PLCE1: variants seen among roughly 807,000 people sequenced by gnomAD.
The protein encoded by PLCE1 is phospholipase C epsilon 1.
In PLCE1, 119 loss-of-function variants were observed where a neutral mutation model predicts 242.8. The ratio of observed to expected loss-of-function variants is 0.49; its 90% CI spans 0.42 to 0.57. PLCE1 has a LOEUF of 0.57. Among genes scored for constraint, PLCE1 ranks in the 20% least tolerant of loss-of-function variants. PLCE1 has a pLI of 0.00. For synonymous variants in PLCE1, 945 were observed against 1,017.4 expected, an observed-to-expected ratio of 0.93 and a Z score of 1.35; for missense variants, 2,441 against 2,788.8, an observed-to-expected ratio of 0.88 and a Z score of 2.81.
chr10:94,303,314 C>T (rs1170391721), intron 24 of PLCE1, among the ~76,000 whole-genome samples: 1 of 152,172 alleles, frequency 6.6e-6, no homozygotes, highest in Non-Finnish European at 1.5e-5. Flanking sequence ...CAACTTTTTG[C>T]TCATTTGGGT....
In PLCE1 at chr10:94,046,578, A is replaced by G. The variant is rs558564921; in HGVS notation, c.1206+14326A>G. Among the ~76,000 whole-genome samples, 10 of 152,340 alleles carry G rather than the reference A, an allele frequency of 6.6e-5. No homozygotes were observed. The East Asian group carries it at 1.5e-3, about 23-fold the overall frequency. ...AGTTTCAGAGCCAGGCCTGGAGCCC[A>G]GGTTGCTCTCAGATCAACTTTCCTG... On this transcript the variant is annotated intron_variant, in intron 2 of 32. Coordinates refer to ENST00000371380, the MANE Select transcript of PLCE1 (RefSeq NM_016341.4).
At chr10:94,203,380 A>G (rs1472639389) in intron 4 of PLCE1, among the ~76,000 whole-genome samples, 4 of 152,234 alleles carry the variant, frequency 2.6e-5, no homozygotes, top group East Asian at 3.8e-4. Context: ...GGAAGCATAA[A>G]GGTCCAAACA....
chr10:94,061,958 T>A (rs904455506), intron 2 of PLCE1, among the ~76,000 whole-genome samples: 4 of 152,390 alleles, frequency 2.6e-5, no homozygotes, highest in African/African-American at 9.6e-5. Context: ...CTCTTCCAAC[T>A]ACATGCCGTT....
chr10:94,090,686 G>C (rs1037208638), intron 2 of PLCE1, among the ~76,000 whole-genome samples: 16 of 152,300 alleles, frequency 1.1e-4, no homozygotes, highest in African/African-American at 3.1e-4. Flanking sequence ...TTGGTTGAGT[G>C]GGACGAGGTC....
intron 4 of PLCE1, among the ~76,000 whole-genome samples, chr10:94,214,729 A>C (rs1051912524): frequency 6.6e-6 from 1 of 151,890 alleles, no homozygotes. Context: ...TTTGCATTTC[A>C]CCGCAAGTGA....
intron 4 of PLCE1, among the ~76,000 whole-genome samples, chr10:94,192,291 A>G (rs2048692612): frequency 6.6e-6 from 1 of 152,180 alleles, no homozygotes; most frequent in Non-Finnish European, 1.5e-5. Flanking sequence ...CCTGTCACCC[A>G]GGTAGTGAGC....
intron 18 of PLCE1, among the ~76,000 whole-genome samples, chr10:94,270,874 T>A (rs558100468): frequency 6.6e-6 from 1 of 152,300 alleles, no homozygotes; most frequent in Non-Finnish European, 1.5e-5. Context: ...TTCGCCATGA[T>A]GGCCAGGCTG....
intron 16 of PLCE1, among the ~76,000 whole-genome samples, chr10:94,266,839 G>A (rs969960321): frequency 6.6e-6 from 1 of 152,132 alleles, no homozygotes; most frequent in African/African-American, 2.4e-5. Flanking sequence ...CTTGCTTAGC[G>A]GGAATATGTA....
chr10:94,251,872 C>T (rs746938898), intron 8 of PLCE1, among the ~76,000 whole-genome samples: 5 of 152,158 alleles, frequency 3.3e-5, no homozygotes, highest in Non-Finnish European at 7.3e-5. Flanking sequence ...GTCCGACTGT[C>T]CCAAGCATCA....
chr10:94,311,293 C>T (rs1478980348), intron 27 of PLCE1, among the ~76,000 whole-genome samples: 2 of 152,226 alleles, frequency 1.3e-5, no homozygotes, highest in African/African-American at 4.8e-5. Flanking sequence ...GGTCTGGCAG[C>T]AGGGCTGAAG....
chr10:94,201,427 A>G (rs964036266), intron 4 of PLCE1, among the ~76,000 whole-genome samples: 1 of 152,210 alleles, frequency 6.6e-6, no homozygotes, highest in Non-Finnish European at 1.5e-5. Context: ...AGGTTGCAGC[A>G]TTTGCCCCAC....
At chr10:94,163,333 G>A (rs1250504051) in intron 3 of PLCE1, among the ~76,000 whole-genome samples, 1 of 152,056 alleles carries the variant, frequency 6.6e-6, no homozygotes, top group Non-Finnish European at 1.5e-5. Context: ...TATGAATCTG[G>A]GTGCTCCTGT....
At chr10:94,073,440 T>C (rs1296983773) in intron 2 of PLCE1, among the ~76,000 whole-genome samples, 1 of 152,164 alleles carries the variant, frequency 6.6e-6, no homozygotes, top group East Asian at 1.9e-4. Context: ...GAGTTAGACC[T>C]AGAGGGGTCT....
chr10:94,298,539 G>C lies in PLCE1; in HGVS notation c.5328G>C (p.Leu1776=). The C allele has an allele frequency of 1.2e-6, 2 of 1,614,004 alleles. No homozygotes were observed. Among genetic ancestry groups the C allele is most frequent in the Non-Finnish European group, 1.7e-6 (2 of 1,179,992 alleles). ...TGTGTCGCAGGTATTCTCAGAAACT[G>C]ACCCAGCACACCGCCTGTCAGCTGC... ...KRLCRRYSQK[L]TQHTACQLLR... is the part of the protein sequence containing the mutation. Residue 1776 remains leucine (L), a synonymous_variant, in exon 24 of 33, where the codon CTG becomes CTC. Transcript: ENST00000371380. This position sits in a 1 kb window ranked among gnomAD's most constrained non-coding sequence, Gnocchi z 5.2.
Position 94,273,818 on chromosome 10 carries a change from A to G in PLCE1, c.4665+98A>G, listed in dbSNP as rs1489979604. 3.3e-5 allele frequency: 37 copies of G among 1,120,826 alleles called. No homozygotes were observed. The Admixed American group carries it at 6.0e-4, about 18-fold the overall frequency. 69.4% of individuals were successfully genotyped at this position (1,120,826 alleles called of 1,614,324 possible). ...CTTTCAGATGACCTGCTGGTTTACTAGTTTTTCAAGACTGACTTTCCTTAA... is the reference window on the plus strand; with the variant it reads ...CTTTCAGATGACCTGCTGGTTTACTGGTTTTTCAAGACTGACTTTCCTTAA... On this transcript the variant is annotated intron_variant, in intron 19 of 32. Coordinates refer to ENST00000371380, the MANE Select transcript of PLCE1 (RefSeq NM_016341.4).
intron 2 of PLCE1, among the ~76,000 whole-genome samples, chr10:94,092,514 A>T (rs942226461): frequency 6.6e-5 from 10 of 152,224 alleles, no homozygotes; most frequent in Non-Finnish European, 1.3e-4. Flanking sequence ...AAAAATAGGA[A>T]GTTCAGTTGG....
chr10:94,316,648 A>T lies in PLCE1; in HGVS notation c.6234A>T (p.Gln2078His), dbSNP rs777703876. ...ISKEKNECRK[Q>H]PFQRAIGPEE... ...AAGAAAAGAATGAATGTAGGAAACA[A>T]CCATTCCAGAGAGCCATTGGTCCAG... Residue 2078 changes from glutamine (Q) to histidine (H), a missense_variant, in exon 29 of 33, where the codon CAA (glutamine) becomes CAT (histidine). Coordinates refer to ENST00000371380, the MANE Select transcript of PLCE1 (RefSeq NM_016341.4). The T allele has an allele frequency of 6.2e-7, 1 of 1,611,838 alleles. No homozygotes were observed. Among genetic ancestry groups the T allele is most frequent in the Non-Finnish European group, 8.5e-7 (1 of 1,177,886 alleles).
intron 4 of PLCE1, among the ~76,000 whole-genome samples, chr10:94,212,985 T>C (rs1489593661): frequency 6.6e-6 from 1 of 152,162 alleles, no homozygotes; most frequent in Non-Finnish European, 1.5e-5. Context: ...CAAGACAAAT[T>C]AAGTACTAAG....
At chr10:94,246,699 T>C (rs974401739) in intron 8 of PLCE1, 78 bp downstream of exon 8, 5 of 1,336,100 alleles carry the variant, frequency 3.7e-6, no homozygotes, top group Non-Finnish European at 5.3e-6. Context: ...ACCACCAGGT[T>C]CATGCTCCCA....
Sources: allele counts gnomAD v4.1 joint callset (sites outside exome capture counted in the v4.1 genomes callset), GRCh38; gene constraint gnomAD v4.1.1; non-coding constraint Gnocchi (gnomAD v3.1); transcripts MANE v1.5; gene names NCBI Gene and HGNC (gene_info 2026-07-23, HGNC 2026-07-21).